PDCD6: variants seen among roughly 807,000 people sequenced by gnomAD.
PDCD6 encodes the protein programmed cell death protein 6.
Under a neutral mutation model 28.3 loss-of-function variants are expected in PDCD6, and 12 were observed. The ratio of observed to expected loss-of-function variants is 0.42; its 90% CI spans 0.27 to 0.69. PDCD6 has a LOEUF of 0.69. PDCD6 is among the 30% of genes least tolerant of loss of function. The pLI, the probability that PDCD6 is intolerant of heterozygous loss-of-function variation, is 0.22. For synonymous variants in PDCD6, 92 were observed against 108.0 expected, an observed-to-expected ratio of 0.85 and a Z score of 0.92; for missense variants, 226 against 269.9, an observed-to-expected ratio of 0.84 and a Z score of 1.14.
At chr5:299,770 C>A (rs554755108) in intron 2 of PDCD6, among the ~76,000 whole-genome samples, 4 of 152,232 alleles carry the variant, frequency 2.6e-5, no homozygotes, top group African/African-American at 9.6e-5. Context: ...AGGATGGTCT[C>A]GATCTCCTCA....
chr5:279,662 T>G (rs10067657), intron 2 of PDCD6, among the ~76,000 whole-genome samples: 36,128 of 151,150 alleles, frequency 0.24, 6,758 homozygotes, highest in African/African-American at 0.52. Context: ...AAGGTGGAGT[T>G]ATTTGAGTAG....
chr5:308,730 TTGG>T (rs1033090339), intron 4 of PDCD6: 2 of 152,194 alleles, frequency 1.3e-5, no homozygotes, highest in African/African-American at 4.8e-5. Flanking sequence ...GCACTGGAGC[TTGG>T]TGGCCAGCAG....
intron 2 of PDCD6, among the ~76,000 whole-genome samples, chr5:299,938 G>A (rs1429646979): frequency 6.6e-6 from 1 of 152,020 alleles, no homozygotes; most frequent in Non-Finnish European, 1.5e-5. Context: ...TCAGACCTCA[G>A]AAGCAGTACA....
chr5:278,081 C>G (rs1354420641), intron 2 of PDCD6, among the ~76,000 whole-genome samples: 23 of 152,186 alleles, frequency 1.5e-4, no homozygotes, highest in Non-Finnish European at 2.8e-4. Context: ...CCACCTGCTC[C>G]CTTCCCCACC....
intron 2 of PDCD6, among the ~76,000 whole-genome samples, chr5:278,123 G>A (rs1485429431): frequency 6.6e-6 from 1 of 152,076 alleles, no homozygotes; most frequent in South Asian, 2.1e-4. Flanking sequence ...TGGCTCCTCC[G>A]GGGTTGGGTG....
intron 2 of PDCD6, chr5:288,704 T>C: frequency 2.3e-6 from 1 of 440,878 alleles, no homozygotes; most frequent in Non-Finnish European, 3.9e-6. Context: ...GAATTATCCA[T>C]AAAGTACTTT....
chr5:278,869 CGGGAGGGGCTGGGGACAT>C (rs1190764514), intron 2 of PDCD6, among the ~76,000 whole-genome samples: 2 of 64,278 alleles, frequency 3.1e-5, no homozygotes, highest in East Asian at 8.1e-4. Flanking sequence ...GCTGGGGACA[CGGGAGGGGCTGGGGACAT>C]GGGAGGGGCT....
rs781078904 is a variant in PDCD6 at position 306,747 on chromosome 5, C to G, written c.354C>G (p.Ala118=). ...TCGATAAGAACGAGCTGAAGCAGGCCCTCTCAGGTTTCGGTAACTCACTCA... is the reference window on the plus strand; with the variant it reads ...TCGATAAGAACGAGCTGAAGCAGGCGCTCTCAGGTTTCGGTAACTCACTCA... ...GMIDKNELKQ[A]LSGFGYRLSD... Residue 118 remains alanine, a synonymous_variant, in exon 4 of 6, where the codon GCC becomes GCG. Coordinates refer to ENST00000264933, the MANE Select transcript of PDCD6 (RefSeq NM_013232.4). The G allele has an allele frequency of 2.2e-5, 35 of 1,613,644 alleles. No individual in the cohort carries two copies. In the South Asian group the frequency reaches 2.5e-4, roughly 12 times the overall value.
Position 271,738 on chromosome 5 carries a change from C to G in PDCD6, c.18C>G (p.Tyr6Ter). 6.5e-7 allele frequency: 1 copy of G among 1,531,330 alleles called. No individual in the cohort carries two copies. Among genetic ancestry groups the G allele is most frequent in the South Asian group, 1.2e-5 (1 of 84,604 alleles). The allele number at this position is 1,531,330 out of a possible 1,614,324, so 94.9% of individuals were successfully genotyped here. A position where few individuals can be genotyped will look rare whatever the true frequency, so the allele number is the denominator to read the frequency against. ...CTTGGCCCATGGCCGCCTACTCTTA[C>G]CGCCCCGGCCCTGGGGCCGGCCCTG... MAAYS[Y>*]RPGPGAGPGP... is the part of the protein sequence containing the mutation. The change falls in exon 1 of 6, where the codon TAC (tyrosine) becomes TAG (stop). Residue 6 changes from tyrosine (Y) to a stop codon, truncating the protein, a stop_gained. Transcript: ENST00000264933. LOFTEE classifies it high-confidence loss of function.
At chr5:309,285 ATGTGGACTGACT>A (rs1740740080) in intron 4 of PDCD6, 2 of 155,374 alleles carry the variant, frequency 1.3e-5, no homozygotes, top group African/African-American at 4.8e-5. Context: ...TGGTGGCCTC[ATGTGGACTGACT>A]TTCATGAACA....
chr5:294,157 C>T (rs146941774), intron 2 of PDCD6, among the ~76,000 whole-genome samples: 34,628 of 149,508 alleles, frequency 0.23, 6,112 homozygotes, highest in African/African-American at 0.51. Context: ...AGTTCTTAGA[C>T]ATGACACCAA....
chr5:285,069 C>G (rs1738857682), intron 2 of PDCD6, among the ~76,000 whole-genome samples: 1 of 149,954 alleles, frequency 6.7e-6, no homozygotes, highest in Non-Finnish European at 1.5e-5. Context: ...CTGCAAGACC[C>G]TCAGACTGGA....
chr5:313,162 G>A (rs1311188403), intron 5 of PDCD6, among the ~76,000 whole-genome samples: 3 of 152,180 alleles, frequency 2.0e-5, no homozygotes, highest in African/African-American at 2.4e-5. Context: ...GACCCTAAAC[G>A]CTAGACAGAT....
intron 4 of PDCD6, chr5:310,707 GTCACCCTGCC>G (rs1740851841): frequency 6.5e-6 from 1 of 153,966 alleles, no homozygotes; most frequent in Non-Finnish European, 1.4e-5. Context: ...CCTTTCCGAG[GTCACCCTGCC>G]ACTGCGTGCC....
chr5:303,103 G>A (rs559521566), intron 2 of PDCD6, among the ~76,000 whole-genome samples: 4 of 152,228 alleles, frequency 2.6e-5, no homozygotes, highest in South Asian at 2.1e-4. Context: ...TGTGTCTTAG[G>A]AGGGGACGCA....
chr5:283,973 T>C (rs1384441686), intron 2 of PDCD6, among the ~76,000 whole-genome samples: 1 of 150,254 alleles, frequency 6.7e-6, no homozygotes, highest in Non-Finnish European at 1.5e-5. Context: ...GCTGAAGACT[T>C]GGAGAGAAGC....
chr5:306,104 T>G (rs1318643048), intron 3 of PDCD6: 3 of 165,310 alleles, frequency 1.8e-5, no homozygotes, highest in African/African-American at 7.1e-5. Context: ...GGTCTGTTTC[T>G]AATTAAAGCA....
Position 302,395 on chromosome 5 carries a change from C to CTGTG in PDCD6, c.164-1778_164-1775dup, listed in dbSNP as rs1561046930. ...GGAGGGTGGGTCGTGGAGTGCTGCT[C>CTGTG]TGTGTGTATGCCTCAGGTTCAGGTG... On this transcript the variant is annotated intron_variant, in intron 2 of 5. Coordinates refer to ENST00000264933, the MANE Select transcript of PDCD6 (RefSeq NM_013232.4). 2.0e-4 allele frequency among the ~76,000 whole-genome samples: 15 copies of CTGTG among 76,202 alleles called. 2 individuals carry two copies. The highest frequency in any genetic ancestry group is 8.3e-4 in the African/African-American group (7 of 8,426). 50.0% of individuals were successfully genotyped at this position (76,202 alleles called of 152,430 possible).
chr5:275,417 G>A (rs925705018), intron 2 of PDCD6, among the ~76,000 whole-genome samples: 5 of 152,214 alleles, frequency 3.3e-5, no homozygotes, highest in African/African-American at 1.2e-4. Context: ...AGCTGCGCGT[G>A]TTCTCAGAAA....
Sources: allele counts gnomAD v4.1 joint callset (sites outside exome capture counted in the v4.1 genomes callset), GRCh38; gene constraint gnomAD v4.1.1; transcripts MANE v1.5; gene names NCBI Gene and HGNC (gene_info 2026-07-23, HGNC 2026-07-21).